Variants in KCNH8 observed in about 807,000 individuals in gnomAD.
The protein encoded by KCNH8 is potassium voltage-gated channel subfamily H member 8.
KCNH8 carries 70 observed loss-of-function variants against 103.6 expected under a neutral mutation model. That is an observed-to-expected ratio of 0.68 (90% CI 0.56 to 0.82). The LOEUF is 0.82. KCNH8 is among the 40% of genes least tolerant of loss of function. The probability of loss-of-function intolerance (pLI) is 0.00; values close to 1 mark genes in which losing one functional copy is unlikely to be tolerated. For synonymous variants in KCNH8, 498 were observed against 489.4 expected, an observed-to-expected ratio of 1.02 and a Z score of -0.23; for missense variants, 1,217 against 1,329.9, an observed-to-expected ratio of 0.92 and a Z score of 1.32.
At chr3:19,160,754 C>T (rs538527347) in intron 1 of KCNH8, among the ~76,000 whole-genome samples, 2 of 152,256 alleles carry the variant, frequency 1.3e-5, no homozygotes, top group South Asian at 2.1e-4. Context: ...CCATCCCACC[C>T]AGGATGTGAA....
chr3:19,295,541 G>T (rs2064986781), intron 3 of KCNH8, among the ~76,000 whole-genome samples: 1 of 152,118 alleles, frequency 6.6e-6, no homozygotes, highest in African/African-American at 2.4e-5. Context: ...TGGTATTAAA[G>T]AATATTCCCA....
rs140565900 is a variant in KCNH8, at chr3:19,490,518, A to C, written c.2041-19845A>C. Among the ~76,000 whole-genome samples, 896 of 152,308 alleles carry C rather than the reference A, an allele frequency of 5.9e-3. 8 individuals carry two copies. Among genetic ancestry groups the C allele is most frequent in the African/African-American group, 0.02 (828 of 41,552 alleles). On this transcript the variant is annotated intron_variant, in intron 11 of 15. Coordinates refer to ENST00000328405, the MANE Select transcript of KCNH8 (RefSeq NM_144633.3). ...GATTTTCACAGTGCTTTTCCATACA[A>C]TGTCTGTAATCTATAGATAATATAA...
chr3:19,312,871 A>C (rs1252005640), intron 3 of KCNH8, among the ~76,000 whole-genome samples: 1 of 151,916 alleles, frequency 6.6e-6, no homozygotes, highest in African/African-American at 2.4e-5. Flanking sequence ...CATTTCCTGG[A>C]ATAAATTTGA....
chr3:19,510,501 T>C (rs976934149), intron 12 of KCNH8, 100 bp downstream of exon 12: 20 of 790,910 alleles, frequency 2.5e-5, no homozygotes, highest in Admixed American at 8.1e-5. Flanking sequence ...TATTTATCTT[T>C]TACTTTCCCT....
intron 3 of KCNH8, 92 bp from the exon 4 acceptor site, chr3:19,342,495 A>G (rs1575541285): frequency 2.3e-6 from 3 of 1,291,886 alleles, no homozygotes; most frequent in Non-Finnish European, 2.1e-6. Context: ...GAAAACATGT[A>G]CAATATGCTC....
In KCNH8 at chr3:19,353,584, C is replaced by T. The variant is rs574647863; in HGVS notation, c.811+5619C>T. ...GGATGCAAGGCTTGTTCAACATATGCAAATCAAGAAACATAATCCATCATA... is the reference window on the plus strand; with the variant it reads ...GGATGCAAGGCTTGTTCAACATATGTAAATCAAGAAACATAATCCATCATA... On this transcript the variant is annotated intron_variant, in intron 5 of 15. Coordinates refer to ENST00000328405, the MANE Select transcript of KCNH8 (RefSeq NM_144633.3). Among the ~76,000 whole-genome samples the T allele has an allele frequency of 3.3e-4, 50 of 152,050 alleles. 1 individual carries two copies. Among genetic ancestry groups the T allele is most frequent in the Admixed American group, 1.5e-3 (23 of 15,242 alleles).
At chr3:19,149,070 G>C (rs1163204368) in intron 1 of KCNH8, among the ~76,000 whole-genome samples, 1 of 152,030 alleles carries the variant, frequency 6.6e-6, no homozygotes, top group African/African-American at 2.4e-5. Context: ...TTCACTGTGG[G>C]ACCTGCATTT....
chr3:19,165,036 GAAGA>G (rs2063269003), intron 1 of KCNH8, among the ~76,000 whole-genome samples: 1 of 152,144 alleles, frequency 6.6e-6, no homozygotes. Context: ...CAAGAGACAT[GAAGA>G]AACTTTTGGG....
intron 11 of KCNH8, among the ~76,000 whole-genome samples, chr3:19,466,213 A>G (rs1046324924): frequency 6.6e-6 from 1 of 152,172 alleles, no homozygotes; most frequent in African/African-American, 2.4e-5. Flanking sequence ...GGTGTTAGCC[A>G]CCATACCCAG....
intron 8 of KCNH8, among the ~76,000 whole-genome samples, chr3:19,448,062 T>C (rs1216511563): frequency 2.0e-5 from 3 of 151,990 alleles, no homozygotes; most frequent in Non-Finnish European, 4.4e-5. Context: ...TTTAATTGCA[T>C]TGAGCATGCT....
At chr3:19,520,873 A>G (rs972732951) in intron 15 of KCNH8, among the ~76,000 whole-genome samples, 7 of 152,000 alleles carry the variant, frequency 4.6e-5, no homozygotes, top group African/African-American at 1.4e-4. Flanking sequence ...ATCAGTGTGT[A>G]CATTTCATAA....
At chr3:19,267,916 C>CTTAA (rs1293831118) in intron 2 of KCNH8, among the ~76,000 whole-genome samples, 2 of 152,040 alleles carry the variant, frequency 1.3e-5, no homozygotes, top group East Asian at 3.9e-4. Flanking sequence ...GTTTCATAGG[C>CTTAA]TTAAGTGAAG....
At chr3:19,503,940 T>C (rs890026957) in intron 11 of KCNH8, among the ~76,000 whole-genome samples, 8 of 151,650 alleles carry the variant, frequency 5.3e-5, no homozygotes, top group African/African-American at 1.7e-4. Context: ...ATAATAATAA[T>C]AATAAAGAAA....
At chr3:19,498,198 C>T (rs991811702) in intron 11 of KCNH8, among the ~76,000 whole-genome samples, 1 of 152,112 alleles carries the variant, frequency 6.6e-6, no homozygotes, top group Non-Finnish European at 1.5e-5. Context: ...TCCGTGTTGC[C>T]ACTCTGTTAC....
Position 19,155,253 on chromosome 3 carries a change from G to A in KCNH8, c.76+6458G>A, listed in dbSNP as rs180964178. 5.9e-4 allele frequency among the ~76,000 whole-genome samples: 90 copies of A among 152,226 alleles called. No homozygotes were observed. The East Asian group carries it at 0.016, about 26-fold the overall frequency. ...TTCTTCAAGCTGCAAATCTGAGTTG[G>A]CCTTGACTGCCTACACATCTAATTA... is the stretch of plus-strand genomic sequence containing the variant. On this transcript the variant is annotated intron_variant, in intron 1 of 15. Coordinates refer to ENST00000328405, the MANE Select transcript of KCNH8 (RefSeq NM_144633.3).
At chr3:19,429,231 T>A (rs535345444) in intron 7 of KCNH8, among the ~76,000 whole-genome samples, 1 of 143,008 alleles carries the variant, frequency 7.0e-6, no homozygotes, top group South Asian at 2.2e-4. Context: ...TGGAGTGCAG[T>A]GGCGCGATCT....
chr3:19,158,874 G>A (rs78798096), intron 1 of KCNH8, among the ~76,000 whole-genome samples: 1 of 151,660 alleles, frequency 6.6e-6, no homozygotes, highest in South Asian at 2.1e-4. Context: ...GCCTTTTGTT[G>A]CTAATTTTTG....
intron 11 of KCNH8, among the ~76,000 whole-genome samples, chr3:19,458,417 T>C (rs1036955183): frequency 2.0e-5 from 3 of 151,912 alleles, no homozygotes; most frequent in Admixed American, 1.3e-4. Context: ...TTCCTCAGCA[T>C]AGAAAGTGGG....
chr3:19,299,772 C>T (rs998164857), intron 3 of KCNH8, among the ~76,000 whole-genome samples: 4 of 151,774 alleles, frequency 2.6e-5, no homozygotes, highest in African/African-American at 7.3e-5. Flanking sequence ...TGGTGGTGTA[C>T]CAGTAGTGAT....
Sources: allele counts gnomAD v4.1 joint callset (sites outside exome capture counted in the v4.1 genomes callset), GRCh38; gene constraint gnomAD v4.1.1; transcripts MANE v1.5; gene names NCBI Gene and HGNC (gene_info 2026-07-23, HGNC 2026-07-21).